The following DCC variants were observed in gnomAD, a reference collection of about 807,000 sequenced individuals.
The protein encoded by DCC is netrin receptor DCC.
DCC carries 58 observed loss-of-function variants against 172.5 expected under a neutral mutation model. The ratio of observed to expected loss-of-function variants is 0.34; its 90% CI spans 0.27 to 0.42. The LOEUF is 0.42. Among genes scored for constraint, DCC ranks in the 10% least tolerant of loss-of-function variants. DCC has a pLI of 1.00. For synonymous variants in DCC, 709 were observed against 644.5 expected (o/e 1.10, Z -1.52); for missense variants, 1,740 against 1,791.0 (o/e 0.97, Z 0.51).
chr18:53,487,319 G>A (rs2045912875), intron 26 of DCC, among the ~76,000 whole-genome samples: 1 of 152,156 alleles, frequency 6.6e-6, no homozygotes, highest in African/African-American at 2.4e-5. Context: ...TGTTGGTTAT[G>A]TCTCACTGAT....
intron 1 of DCC, among the ~76,000 whole-genome samples, chr18:52,615,109 T>C (rs562094450): frequency 9.2e-5 from 14 of 152,280 alleles, no homozygotes; most frequent in African/African-American, 2.9e-4. Context: ...CCTTACTACA[T>C]TGGAAAATAT....
In DCC at chr18:53,202,345, C is replaced by A. The variant is rs147284757; in HGVS notation, c.1574-2871C>A. ...GTTGAATCTGGGTAAATTTGAACAC[C>A]AGTATAATTAAGGACAATAATGAAT... On this transcript the variant is annotated intron_variant, in intron 9 of 28. Coordinates refer to ENST00000442544, the MANE Select transcript of DCC (RefSeq NM_005215.4). Among the ~76,000 whole-genome samples, 18 of 152,022 alleles carry A rather than the reference C, an allele frequency of 1.2e-4. No homozygotes were observed. The East Asian group carries it at 3.1e-3, about 26-fold the overall frequency.
intron 7 of DCC, among the ~76,000 whole-genome samples, chr18:53,138,757 T>C (rs1208681127): frequency 6.6e-6 from 1 of 152,210 alleles, no homozygotes; most frequent in Non-Finnish European, 1.5e-5. Context: ...AATATACCCT[T>C]GGGTTTACAG....
At chr18:53,428,030 A>G (rs1290856217) in intron 21 of DCC, among the ~76,000 whole-genome samples, 1 of 66,710 alleles carries the variant, frequency 1.5e-5, no homozygotes, top group African/African-American at 5.3e-5. Context: ...AATATAGAAT[A>G]TATCATATAA....
chr18:52,925,168 G>A, intron 4 of DCC, 66 bp from the exon 5 acceptor site: 3 of 1,495,664 alleles, frequency 2.0e-6, no homozygotes, highest in Non-Finnish European at 2.8e-6. Context: ...GTCATTTAAA[G>A]CTCTGAGTAT....
At chr18:53,397,193 T>A in intron 17 of DCC, 115 bp from the exon 18 acceptor site, 1 of 916,302 alleles carries the variant, frequency 1.1e-6, no homozygotes, top group East Asian at 2.6e-5. Flanking sequence ...ACTCCTCTGC[T>A]GTTTGGGAGT....
At chr18:53,161,440 A>G (rs2054838404) in intron 8 of DCC, among the ~76,000 whole-genome samples, 1 of 152,052 alleles carries the variant, frequency 6.6e-6, no homozygotes, top group Non-Finnish European at 1.5e-5. Context: ...AATTTATCTG[A>G]TCTGCACATA....
chr18:52,746,733 T>C (rs76434142), intron 1 of DCC, among the ~76,000 whole-genome samples: 3,377 of 152,094 alleles, frequency 0.022, 82 homozygotes, highest in East Asian at 0.079. Flanking sequence ...AATATAAACT[T>C]GAAATGTCTT....
At chr18:52,521,379 C>A (rs145522999) in intron 1 of DCC, among the ~76,000 whole-genome samples, 1 of 152,244 alleles carries the variant, frequency 6.6e-6, no homozygotes. Flanking sequence ...ACACCATGGA[C>A]TGTTTGCTTT....
chr18:52,869,904 G>C (rs936345737), intron 2 of DCC, among the ~76,000 whole-genome samples: 1 of 152,186 alleles, frequency 6.6e-6, no homozygotes, highest in Non-Finnish European at 1.5e-5. Context: ...AGGCCCCCAA[G>C]GGTGCAGAGT....
chr18:52,687,283 CTTTTT>C (rs5824954), intron 1 of DCC, among the ~76,000 whole-genome samples: 2 of 126,396 alleles, frequency 1.6e-5, no homozygotes, highest in Non-Finnish European at 1.6e-5. Context: ...TTTCTTTTTC[CTTTTT>C]TTTTTTTTTT....
At chr18:52,781,750 G>T (rs1317379039) in intron 2 of DCC, among the ~76,000 whole-genome samples, 1 of 151,982 alleles carries the variant, frequency 6.6e-6, no homozygotes, top group Non-Finnish European at 1.5e-5. Flanking sequence ...TCTCTTGAAG[G>T]ACAATATTCT....
intron 12 of DCC, among the ~76,000 whole-genome samples, chr18:53,237,417 G>A (rs758081835): frequency 2.6e-5 from 4 of 152,112 alleles, no homozygotes; most frequent in Non-Finnish European, 4.4e-5. Flanking sequence ...TCCATTAGTG[G>A]ATGAACAAAG....
intron 5 of DCC, among the ~76,000 whole-genome samples, chr18:53,026,162 T>C (rs2041952914): frequency 6.6e-6 from 1 of 152,098 alleles, no homozygotes; most frequent in Non-Finnish European, 1.5e-5. Context: ...AGTGTAATTT[T>C]TTTGGAAGAT....
At chr18:52,620,415 A>T (rs2034457375) in intron 1 of DCC, among the ~76,000 whole-genome samples, 1 of 152,200 alleles carries the variant, frequency 6.6e-6, no homozygotes, top group African/African-American at 2.4e-5. Flanking sequence ...CTACCAAAGG[A>T]TGATGTCTCG....
chr18:53,371,530 T>G (rs757228466), intron 15 of DCC, among the ~76,000 whole-genome samples: 1 of 151,938 alleles, frequency 6.6e-6, no homozygotes, highest in Non-Finnish European at 1.5e-5. Flanking sequence ...ACAGCTACCC[T>G]AGGATGATGG....
intron 7 of DCC, among the ~76,000 whole-genome samples, chr18:53,149,152 C>T (rs560045173): frequency 1.3e-5 from 2 of 152,166 alleles, no homozygotes; most frequent in South Asian, 2.1e-4. Flanking sequence ...TGAGCCACCA[C>T]GCCCCGCCTC....
intron 2 of DCC, among the ~76,000 whole-genome samples, chr18:52,900,807 T>C (rs563160988): frequency 3.3e-5 from 5 of 152,326 alleles, no homozygotes; most frequent in African/African-American, 1.2e-4. Context: ...CTTGGGCCAG[T>C]CTAGGTGTGA....
chr18:53,521,320 G>A (rs1462778246), intron 27 of DCC, among the ~76,000 whole-genome samples: 1 of 152,120 alleles, frequency 6.6e-6, no homozygotes, highest in Non-Finnish European at 1.5e-5. Context: ...TTTGAGGGAT[G>A]GTAGTCTTTA....
Sources: gnomAD v4.1 joint callset for allele counts (sites outside exome capture counted in the v4.1 genomes callset) on GRCh38, gnomAD v4.1.1 for gene constraint, MANE v1.5 for transcripts, NCBI Gene and HGNC (gene_info 2026-07-23, HGNC 2026-07-21) for gene names.